Variants in MLLT3 observed in about 807,000 individuals in gnomAD.
MLLT3 encodes MLLT3 super elongation complex subunit.
A neutral mutation model predicts 53.2 loss-of-function variants in MLLT3; 4 were observed. That is an observed-to-expected ratio of 0.08 (90% CI 0.04 to 0.17). The LOEUF (loss-of-function observed/expected upper bound fraction) is 0.17, where lower values mean the gene tolerates loss of function less well. Among genes scored for constraint, MLLT3 ranks in the 10% least tolerant of loss-of-function variants. MLLT3 has a pLI of 1.00. For synonymous variants in MLLT3, 283 were observed against 230.6 expected, an observed-to-expected ratio of 1.23 and a Z score of -2.06; for missense variants, 569 against 684.0, an observed-to-expected ratio of 0.83 and a Z score of 1.87.
chr9:20,553,356 G>C (rs563711114), intron 2 of MLLT3, among the ~76,000 whole-genome samples: 4 of 152,062 alleles, frequency 2.6e-5, no homozygotes, highest in Non-Finnish European at 5.9e-5. Context: ...TTGTTGAGTC[G>C]GCCTCACATT....
intron 2 of MLLT3, among the ~76,000 whole-genome samples, chr9:20,591,131 G>A (rs150689763): frequency 1.4e-3 from 213 of 152,178 alleles, no homozygotes; most frequent in African/African-American, 5.0e-3. Context: ...TATACCTAGT[G>A]GCATTCTGAA....
chr9:20,375,081 C>T (rs1821723756), intron 5 of MLLT3, among the ~76,000 whole-genome samples: 1 of 152,214 alleles, frequency 6.6e-6, no homozygotes, highest in Admixed American at 6.5e-5. Flanking sequence ...CCTTGTTGGA[C>T]TTCCCAGCCT....
intron 5 of MLLT3, among the ~76,000 whole-genome samples, chr9:20,387,964 T>C (rs1410505224): frequency 2.0e-5 from 3 of 151,862 alleles, no homozygotes; most frequent in African/African-American, 7.3e-5. Context: ...CAGCGGAGAG[T>C]GGGGGTTAAC....
intron 2 of MLLT3, among the ~76,000 whole-genome samples, chr9:20,523,635 C>G (rs1818123446): frequency 6.6e-6 from 1 of 152,114 alleles, no homozygotes; most frequent in Non-Finnish European, 1.5e-5. Flanking sequence ...ATGATTCCAA[C>G]TATATGACAT....
At chr9:20,565,957 TA>T (rs1563820517) in intron 2 of MLLT3, among the ~76,000 whole-genome samples, 29 of 16,264 alleles carry the variant, frequency 1.8e-3, no homozygotes, top group East Asian at 0.016. Context: ...TATATATTTA[TA>T]TATATATATT....
chr9:20,470,457 G>A (rs145794775), intron 2 of MLLT3, among the ~76,000 whole-genome samples: 60 of 152,018 alleles, frequency 3.9e-4, no homozygotes, highest in African/African-American at 1.3e-3. Context: ...AAATAGCAAC[G>A]TTTTTGGACA....
intron 2 of MLLT3, among the ~76,000 whole-genome samples, chr9:20,528,531 T>A (rs1818256334): frequency 6.6e-6 from 1 of 152,244 alleles, no homozygotes; most frequent in Admixed American, 6.5e-5. Flanking sequence ...CAAGGTTTCA[T>A]CAGAGCTGCG....
Position 20,590,297 on chromosome 9 carries a change from G to A in MLLT3, c.193+30357C>T, listed in dbSNP as rs563064093. Among the ~76,000 whole-genome samples, 11 of 152,238 alleles carry A rather than the reference G, an allele frequency of 7.2e-5. No homozygotes were observed. In the South Asian group the frequency reaches 2.1e-3, roughly 29 times the overall value. On this transcript the variant is annotated intron_variant, in intron 2 of 10. Coordinates refer to ENST00000380338, the MANE Select transcript of MLLT3 (RefSeq NM_004529.4). ...GAGTTCATGAGTCCCCTTTACATCA[G>A]TGCTACCCAGACAGAGTCCCTATAC...
At chr9:20,521,910 A>T (rs957711488) in intron 2 of MLLT3, among the ~76,000 whole-genome samples, 1 of 152,196 alleles carries the variant, frequency 6.6e-6, no homozygotes, top group Non-Finnish European at 1.5e-5. Flanking sequence ...AAAGAAGAGG[A>T]AAGAATGAAG....
At chr9:20,501,973 G>A (rs1179844074) in intron 2 of MLLT3, among the ~76,000 whole-genome samples, 1 of 150,726 alleles carries the variant, frequency 6.6e-6, no homozygotes, top group Non-Finnish European at 1.5e-5. Flanking sequence ...CCCAGCTACT[G>A]GGGAGGCTAA....
chr9:20,382,846 A>G (rs1290347156), intron 5 of MLLT3, among the ~76,000 whole-genome samples: 1 of 151,934 alleles, frequency 6.6e-6, no homozygotes, highest in Non-Finnish European at 1.5e-5. Flanking sequence ...TATGAAGTAC[A>G]AAGTAAAGAA....
At chr9:20,471,161 G>C (rs1824381953) in intron 2 of MLLT3, among the ~76,000 whole-genome samples, 1 of 151,978 alleles carries the variant, frequency 6.6e-6, no homozygotes, top group South Asian at 2.1e-4. Context: ...TCAATCAATA[G>C]ATATTTATTA....
At chr9:20,401,310 G>A (rs1452796969) in intron 5 of MLLT3, among the ~76,000 whole-genome samples, 1 of 152,014 alleles carries the variant, frequency 6.6e-6, no homozygotes, top group Non-Finnish European at 1.5e-5. Flanking sequence ...TCTAATTTAG[G>A]TTAATAAAAA....
chr9:20,436,565 T>A (rs1420383323), intron 4 of MLLT3, among the ~76,000 whole-genome samples: 1 of 152,140 alleles, frequency 6.6e-6, no homozygotes, highest in Non-Finnish European at 1.5e-5. Flanking sequence ...GCCCTGGGGA[T>A]TTTTATTTTT....
intron 2 of MLLT3, among the ~76,000 whole-genome samples, chr9:20,616,133 A>C (rs1035639083): frequency 6.6e-6 from 1 of 152,180 alleles, no homozygotes; most frequent in African/African-American, 2.4e-5. Context: ...ATAAGTATGA[A>C]AACAGTTGAT....
intron 2 of MLLT3, among the ~76,000 whole-genome samples, chr9:20,551,290 G>T (rs1818919899): frequency 6.6e-6 from 1 of 152,118 alleles, no homozygotes; most frequent in Non-Finnish European, 1.5e-5. Flanking sequence ...ATAACTCACT[G>T]AGCTGCTTTT....
intron 4 of MLLT3, among the ~76,000 whole-genome samples, chr9:20,422,274 G>C (rs890084437): frequency 6.6e-6 from 1 of 152,182 alleles, no homozygotes; most frequent in East Asian, 1.9e-4. Flanking sequence ...GGTTTTACTT[G>C]TTTCGACTTT....
chr9:20,456,204 G>A (rs1221390796), intron 3 of MLLT3, among the ~76,000 whole-genome samples: 3 of 152,080 alleles, frequency 2.0e-5, no homozygotes, highest in Non-Finnish European at 4.4e-5. Context: ...CTCCCAAAGT[G>A]CTGGGATTAC....
At chr9:20,585,228 C>T (rs1819921104) in intron 2 of MLLT3, among the ~76,000 whole-genome samples, 1 of 152,158 alleles carries the variant, frequency 6.6e-6, no homozygotes, top group South Asian at 2.1e-4. Flanking sequence ...TGTCCTCAAA[C>T]AACCGGGGGG....
Sources: allele counts gnomAD v4.1 joint callset (sites outside exome capture counted in the v4.1 genomes callset), GRCh38; gene constraint gnomAD v4.1.1; transcripts MANE v1.5; gene names NCBI Gene and HGNC (gene_info 2026-07-23, HGNC 2026-07-21).